ITPR1: variants seen among roughly 807,000 people sequenced by gnomAD.
The protein encoded by ITPR1 is inositol 1,4,5-trisphosphate receptor type 1.
In ITPR1, 96 loss-of-function variants were observed where a neutral mutation model predicts 318.4. The ratio of observed to expected loss-of-function variants is 0.30; its 90% CI spans 0.26 to 0.36. The LOEUF (loss-of-function observed/expected upper bound fraction) is 0.36, where lower values mean the gene tolerates loss of function less well. Among genes scored for constraint, ITPR1 ranks in the 10% least tolerant of loss-of-function variants. The pLI is 1.00. For synonymous variants in ITPR1, 1,312 were observed against 1,289.9 expected (o/e 1.02, Z -0.37); for missense variants, 2,440 against 3,460.2 (o/e 0.71, Z 7.40).
intron 4 of ITPR1, among the ~76,000 whole-genome samples, chr3:4,605,278 A>G (rs1399187621): frequency 1.3e-5 from 2 of 152,150 alleles, no homozygotes; most frequent in African/African-American, 4.8e-5. Context: ...GGGGGACCAC[A>G]TATTATTTTA....
intron 4 of ITPR1, among the ~76,000 whole-genome samples, chr3:4,619,833 CT>C (rs1471247579): frequency 1.4e-5 from 2 of 140,788 alleles, no homozygotes; most frequent in Admixed American, 7.2e-5. Flanking sequence ...CTCCTCTCCC[CT>C]CTCCCCTCTC....
At chr3:4,833,747 A>T (rs1415041405) in intron 60 of ITPR1, among the ~76,000 whole-genome samples, 1 of 152,166 alleles carries the variant, frequency 6.6e-6, no homozygotes, top group Non-Finnish European at 1.5e-5. Flanking sequence ...AAATGCCCTC[A>T]TGCTTGCCCA....
intron 4 of ITPR1, among the ~76,000 whole-genome samples, chr3:4,529,586 GA>G (rs1283625211): frequency 6.6e-6 from 1 of 152,184 alleles, no homozygotes; most frequent in Non-Finnish European, 1.5e-5. Flanking sequence ...GAGGGATTTA[GA>G]AAGTCTCCTG....
Position 4,684,415 on chromosome 3 carries a change from G to C in ITPR1, c.3564+69G>C, listed in dbSNP as rs2094354768. ...CTCTAAGGAGCTTTAGTTTGTGATA[G>C]TCAAGTTGAAGGTACACACATTTGA... On this transcript the variant is annotated intron_variant, in intron 29 of 61. Coordinates refer to ENST00000649015, the MANE Select transcript of ITPR1 (RefSeq NM_001378452.1). The C allele has an allele frequency of 5.2e-6, 6 of 1,149,624 alleles. No individual in the cohort carries two copies. The Admixed American group carries it at 9.6e-5, about 18-fold the overall frequency. 71.2% of individuals were successfully genotyped at this position (1,149,624 alleles called of 1,614,324 possible).
At chr3:4,736,670 T>G (rs2043295749) in intron 44 of ITPR1, among the ~76,000 whole-genome samples, 1 of 152,182 alleles carries the variant, frequency 6.6e-6, no homozygotes, top group Non-Finnish European at 1.5e-5. Context: ...GGGATTGCTT[T>G]TTATTTTGTC....
In ITPR1 at chr3:4,779,953, C is replaced by T. The variant is rs1322651422; in HGVS notation, c.6387+308C>T. On this transcript the variant is annotated intron_variant, in intron 49 of 61. Transcript: ENST00000649015. This position sits in a 1 kb window ranked among gnomAD's most constrained non-coding sequence, Gnocchi z 4.0. ...GACATTGAATACGTGCTGTTTTACC[C>T]TCTCCCTTTGGCATAAACCACATGG... Among the ~76,000 whole-genome samples, 2 of 151,958 alleles carry T rather than the reference C, an allele frequency of 1.3e-5. No individual in the cohort carries two copies. The highest frequency in any genetic ancestry group is 1.3e-4 in the Admixed American group (2 of 15,274).
intron 10 of ITPR1, among the ~76,000 whole-genome samples, chr3:4,648,579 G>A (rs759772286): frequency 2.6e-5 from 4 of 152,204 alleles, no homozygotes; most frequent in Non-Finnish European, 4.4e-5. Flanking sequence ...GGAGGCCGAG[G>A]TGGGCGGTTC....
chr3:4,638,933 G>A (rs571914234), intron 5 of ITPR1, among the ~76,000 whole-genome samples: 1 of 152,202 alleles, frequency 6.6e-6, no homozygotes, highest in African/African-American at 2.4e-5. Context: ...GGAGACCCAG[G>A]CTCACTGATA....
At chr3:4,643,401 G>A (rs1426443030) in intron 7 of ITPR1, among the ~76,000 whole-genome samples, 1 of 152,134 alleles carries the variant, frequency 6.6e-6, no homozygotes, top group African/African-American at 2.4e-5. Flanking sequence ...TCCTTTAAAC[G>A]AATCTGTGTG....
rs370104741 is a variant in ITPR1 at position 4,532,929 on chromosome 3, GA to G, written c.163+11836del. Among the ~76,000 whole-genome samples the G allele has an allele frequency of 1.3e-3, 199 of 152,350 alleles. 1 individual carries two copies. Among genetic ancestry groups the G allele is most frequent in the African/African-American group, 4.5e-3 (189 of 41,596 alleles). On this transcript the variant is annotated intron_variant, in intron 4 of 61. Transcript: ENST00000649015. ...ATTACTGAGTTTCCCCCGATTCAAA[GA>G]GGGCTGACCATCTGTCGGGGATTTT...
chr3:4,792,303 T>A (rs865803786), intron 52 of ITPR1, among the ~76,000 whole-genome samples: 6 of 152,374 alleles, frequency 3.9e-5, no homozygotes, highest in Middle Eastern at 3.4e-3. Context: ...TTCTAATGAT[T>A]CACATGTCAA....
chr3:4,543,211 G>T (rs1394494298), intron 4 of ITPR1, among the ~76,000 whole-genome samples: 10 of 151,590 alleles, frequency 6.6e-5, no homozygotes, highest in African/African-American at 2.2e-4. Context: ...GCAGTGAGCT[G>T]TGATTGTGTC....
chr3:4,548,102 G>A (rs761387202), intron 4 of ITPR1, among the ~76,000 whole-genome samples: 9 of 152,226 alleles, frequency 5.9e-5, no homozygotes, highest in Non-Finnish European at 8.8e-5. Context: ...GCTCAGCCCA[G>A]GTTTGTTTTT....
At position 4,710,250 on chromosome 3, in the gene ITPR1, C is replaced by A; in HGVS notation, c.4843-75C>A. On this transcript the variant is annotated intron_variant, in intron 37 of 61. Coordinates refer to ENST00000649015, the MANE Select transcript of ITPR1 (RefSeq NM_001378452.1). This position sits in a 1 kb window ranked among gnomAD's most constrained non-coding sequence, Gnocchi z 4.2. ...CTACCCGTGCATCAGTGTTTTAGGG[C>A]AGAAATCAATGTCCTCACCCTCCTG... 1 of 1,370,120 alleles carries A rather than the reference C, an allele frequency of 7.3e-7. No individual in the cohort carries two copies. Among genetic ancestry groups the A allele is most frequent in the East Asian group, 2.6e-5 (1 of 38,174 alleles). 84.9% of individuals were successfully genotyped at this position (1,370,120 alleles called of 1,614,324 possible). A position where few individuals can be genotyped will look rare whatever the true frequency, so the allele number is the denominator to read the frequency against.
rs1312484587 is a variant in ITPR1 at position 4,683,547 on chromosome 3, A to G, written c.3323A>G (p.Lys1108Arg). 1.9e-6 allele frequency: 3 copies of G among 1,613,794 alleles called. No individual in the cohort carries two copies. The highest frequency in any genetic ancestry group is 2.5e-6 in the Non-Finnish European group (3 of 1,179,682). Residue 1108 changes from lysine (K) to arginine (R), a missense_variant, in exon 27 of 62, where the codon AAA (lysine) becomes AGA (arginine). By Grantham distance (26) the Lys-to-Arg change is conservative (BLOSUM62 2). Transcript: ENST00000649015. ...SQRQEVLQAFKQVQLLVTSQD... is the reference protein window; with the variant it reads ...SQRQEVLQAFRQVQLLVTSQD... ...AGGCAGGAGGTGCTCCAGGCCTTCA[A>G]ACAGGTAGCTCAGGTCACCCACGTG...
chr3:4,685,751 C>A (rs1293192919), intron 30 of ITPR1, among the ~76,000 whole-genome samples: 1 of 152,138 alleles, frequency 6.6e-6, no homozygotes, highest in Non-Finnish European at 1.5e-5. Context: ...GTCATTGATA[C>A]GTATTTGATT....
At chr3:4,646,583 G>A (rs2093463282) in intron 10 of ITPR1, among the ~76,000 whole-genome samples, 1 of 152,168 alleles carries the variant, frequency 6.6e-6, no homozygotes, top group African/African-American at 2.4e-5. Flanking sequence ...TTTATGGGCA[G>A]GGGAGAAATT....
At chr3:4,624,538 G>C (rs905377692) in intron 4 of ITPR1, among the ~76,000 whole-genome samples, 1 of 151,624 alleles carries the variant, frequency 6.6e-6, no homozygotes, top group African/African-American at 2.4e-5. Flanking sequence ...GCATGGTGGT[G>C]AGCACCTGTA....
chr3:4,538,587 A>G (rs1240870471), intron 4 of ITPR1, among the ~76,000 whole-genome samples: 2 of 152,244 alleles, frequency 1.3e-5, no homozygotes, highest in Non-Finnish European at 1.5e-5. Context: ...TTCTAAAGAT[A>G]CATGCACATG....
Sources: allele counts gnomAD v4.1 joint callset (sites outside exome capture counted in the v4.1 genomes callset), GRCh38; gene constraint gnomAD v4.1.1; non-coding constraint Gnocchi (gnomAD v3.1); transcripts MANE v1.5; gene names NCBI Gene and HGNC (gene_info 2026-07-23, HGNC 2026-07-21).